The following GPM6A variants were observed in gnomAD, a reference collection of about 807,000 sequenced individuals.
The protein encoded by GPM6A is glycoprotein M6A.
Under a neutral mutation model 32.1 loss-of-function variants are expected in GPM6A, and 7 were observed. The ratio of observed to expected loss-of-function variants is 0.22; its 90% CI spans 0.12 to 0.41. GPM6A has a LOEUF of 0.41. Among genes scored for constraint, GPM6A ranks in the 10% least tolerant of loss-of-function variants. GPM6A has a pLI of 1.00. For synonymous variants in GPM6A, 130 were observed against 123.4 expected, an observed-to-expected ratio of 1.05 and a Z score of -0.35; for missense variants, 235 against 347.2, an observed-to-expected ratio of 0.68 and a Z score of 2.57.
intron 1 of GPM6A, among the ~76,000 whole-genome samples, chr4:175,898,503 A>G (rs10007330): frequency 0.68 from 103,722 of 151,910 alleles, 35,845 homozygotes; most frequent in East Asian, 0.85. Flanking sequence ...CTCCAGTAAG[A>G]GATTCTAATG....
intron 3 of GPM6A, among the ~76,000 whole-genome samples, chr4:175,659,594 A>G (rs1742285222): frequency 6.6e-6 from 1 of 152,240 alleles, no homozygotes; most frequent in African/African-American, 2.4e-5. Context: ...CATAATGTCT[A>G]AAGCCCCAAA....
Position 175,634,925 on chromosome 4 carries a change from G to T in GPM6A, c.817C>A (p.Arg273=). 2 of 1,613,510 alleles carry T rather than the reference G, an allele frequency of 1.2e-6. No homozygotes were observed. Among genetic ancestry groups the T allele is most frequent in the Non-Finnish European group, 1.7e-6 (2 of 1,179,596 alleles). ...TGCATTTATGTGTATGCATTGAGCC[G>T]CTCTTTGGAGCGAGTAGAGTGGATG... ...HDIHSTRSKE[R]LNAYT is the part of the protein sequence containing the mutation. The change falls in exon 7 of 7, where the codon CGG becomes AGG. Residue 273 remains arginine (R), a synonymous_variant. Transcript: ENST00000393658.
chr4:175,689,131 C>T lies in GPM6A; in HGVS notation c.230+12444G>A, dbSNP rs190456868. Among the ~76,000 whole-genome samples, 82 of 152,302 alleles carry T rather than the reference C, an allele frequency of 5.4e-4. 1 individual carries two copies. The highest frequency in any genetic ancestry group is 1.9e-3 in the African/African-American group (79 of 41,578). On this transcript the variant is annotated intron_variant, in intron 2 of 6. Coordinates refer to ENST00000393658, the MANE Select transcript of GPM6A (RefSeq NM_201591.3). ...ATTACTGTCAATTTATAATGTTTTGCAGTGAAGAAGTGTGAAGTTTCACTT... is the reference window on the plus strand; with the variant it reads ...ATTACTGTCAATTTATAATGTTTTGTAGTGAAGAAGTGTGAAGTTTCACTT...
intron 1 of GPM6A, among the ~76,000 whole-genome samples, chr4:175,789,988 C>T (rs1253874202): frequency 6.6e-6 from 1 of 152,218 alleles, no homozygotes; most frequent in Non-Finnish European, 1.5e-5. Context: ...ATCCTTAATA[C>T]TGTAAGGCTG....
At chr4:175,937,226 T>G (rs1420019829) in intron 1 of GPM6A, among the ~76,000 whole-genome samples, 1 of 152,144 alleles carries the variant, frequency 6.6e-6, no homozygotes, top group East Asian at 1.9e-4. Context: ...TACTGACATA[T>G]GTGCATTCAA....
At chr4:175,696,654 T>C (rs1462291273) in intron 2 of GPM6A, among the ~76,000 whole-genome samples, 1 of 151,550 alleles carries the variant, frequency 6.6e-6, no homozygotes, top group African/African-American at 2.4e-5. Context: ...TCTTCAACCA[T>C]TGTTGGAGTA....
rs774261968 is a variant in GPM6A at position 175,640,757 on chromosome 4, G to C, written c.614C>G (p.Thr205Ser). ...SENFLRMCES[T>S]ELNMTFHLFI... ...AAAGGCTGTAAAAACACTCACCTCA[G>C]TAGATTCGCACATCCTCAAGAAATT... The change falls in exon 5 of 7, where the codon ACT (threonine) becomes AGT (serine). Residue 205 changes from threonine to serine, a missense_variant. Physicochemically the swap from Thr to Ser is moderately conservative, Grantham distance 58 (BLOSUM62 1). Coordinates refer to ENST00000393658, the MANE Select transcript of GPM6A (RefSeq NM_201591.3). 3.1e-6 allele frequency: 5 copies of C among 1,600,214 alleles called. No homozygotes were observed. The highest frequency in any genetic ancestry group is 3.4e-6 in the Non-Finnish European group (4 of 1,168,180).
intron 1 of GPM6A, among the ~76,000 whole-genome samples, chr4:175,853,855 T>G (rs1173588925): frequency 6.6e-6 from 1 of 152,190 alleles, no homozygotes; most frequent in Non-Finnish European, 1.5e-5. Context: ...GCCTAAACAC[T>G]CTTAACTATT....
At chr4:175,894,464 G>A (rs1381455176) in intron 1 of GPM6A, among the ~76,000 whole-genome samples, 1 of 152,104 alleles carries the variant, frequency 6.6e-6, no homozygotes, top group Non-Finnish European at 1.5e-5. Context: ...ACTCCCCTCT[G>A]AGGAAATAGC....
intron 1 of GPM6A, among the ~76,000 whole-genome samples, chr4:175,889,343 G>A (rs959772708): frequency 6.6e-6 from 1 of 152,008 alleles, no homozygotes; most frequent in East Asian, 1.9e-4. Flanking sequence ...GAGCAATATG[G>A]TGAGACCCTG....
chr4:175,818,665 C>T (rs1019724443), intron 1 of GPM6A, among the ~76,000 whole-genome samples: 1 of 152,200 alleles, frequency 6.6e-6, no homozygotes, highest in African/African-American at 2.4e-5. Context: ...AACTCAGTGG[C>T]TTACACATAC....
chr4:175,926,003 C>T (rs1387661310), intron 1 of GPM6A, among the ~76,000 whole-genome samples: 1 of 151,990 alleles, frequency 6.6e-6, no homozygotes, highest in Non-Finnish European at 1.5e-5. Flanking sequence ...AGGTGCCTGC[C>T]ACCACACCCA....
chr4:175,690,185 T>A (rs1419586996), intron 2 of GPM6A, among the ~76,000 whole-genome samples: 1 of 152,218 alleles, frequency 6.6e-6, no homozygotes, highest in South Asian at 2.1e-4. Flanking sequence ...ACATCACTTA[T>A]CTCAAATTCA....
chr4:175,661,420 G>A (rs1164906902), intron 3 of GPM6A, among the ~76,000 whole-genome samples: 1 of 128,092 alleles, frequency 7.8e-6, no homozygotes, highest in Non-Finnish European at 1.8e-5. Context: ...GGATGACAGA[G>A]TGAGACTCTG....
At chr4:175,728,140 G>A (rs71613763) in intron 1 of GPM6A, among the ~76,000 whole-genome samples, 38,016 of 151,802 alleles carry the variant, frequency 0.25, 4,853 homozygotes, top group Non-Finnish European at 0.27. Context: ...ATCATCATAA[G>A]GTTATAATAT....
intron 1 of GPM6A, among the ~76,000 whole-genome samples, chr4:175,865,975 G>T (rs1364051531): frequency 6.6e-6 from 1 of 152,016 alleles, no homozygotes. Context: ...ATTTTTAATT[G>T]AAAACTCAAT....
At chr4:175,894,214 A>ATT (rs147707014) in intron 1 of GPM6A, among the ~76,000 whole-genome samples, 1 of 151,276 alleles carries the variant, frequency 6.6e-6, no homozygotes, top group Non-Finnish European at 1.5e-5. Context: ...TTAGAATTAC[A>ATT]TTTTTTTTTA....
chr4:175,701,362 C>A (rs1007649763), intron 2 of GPM6A, among the ~76,000 whole-genome samples: 1 of 152,114 alleles, frequency 6.6e-6, no homozygotes, highest in African/African-American at 2.4e-5. Flanking sequence ...TTGGTTAAGT[C>A]CTGATTAAGT....
At chr4:175,969,998 A>G (rs368045910) in intron 1 of GPM6A, among the ~76,000 whole-genome samples, 1 of 152,240 alleles carries the variant, frequency 6.6e-6, no homozygotes, top group African/African-American at 2.4e-5. Context: ...TACTTTCAGG[A>G]CCAATTCAGC....
Sources: gnomAD v4.1 joint callset for allele counts (sites outside exome capture counted in the v4.1 genomes callset) on GRCh38, gnomAD v4.1.1 for gene constraint, MANE v1.5 for transcripts, NCBI Gene and HGNC (gene_info 2026-07-23, HGNC 2026-07-21) for gene names.